Variants in ITPKC observed in about 807,000 individuals in gnomAD.
ITPKC encodes inositol-trisphosphate 3-kinase C.
ITPKC carries 33 observed loss-of-function variants against 67.1 expected under a neutral mutation model. The observed-to-expected ratio is 0.49, with a 90% CI of 0.37 to 0.66. ITPKC has a LOEUF of 0.66. Among genes scored for constraint, ITPKC ranks in the 30% least tolerant of loss-of-function variants. ITPKC has a pLI of 0.00. For missense variants in ITPKC, 820 were observed against 892.1 expected, an observed-to-expected ratio of 0.92 and a Z score of 1.03; for synonymous variants, 341 against 359.8, an observed-to-expected ratio of 0.95 and a Z score of 0.59.
At chr19:40,737,992 GA>G (rs35811447) in intron 6 of ITPKC, among the ~76,000 whole-genome samples, 60,425 of 114,476 alleles carry the variant, frequency 0.53, 14,125 homozygotes, top group South Asian at 0.61. Context: ...TCTCTATTTG[GA>G]AAAAAAAAAA....
intron 5 of ITPKC, 140 bp downstream of exon 5, chr19:40,737,227 G>A (rs2082298772): frequency 1.6e-6 from 1 of 635,548 alleles, no homozygotes; most frequent in Admixed American, 2.4e-5. Context: ...GTCAGCTGGT[G>A]GCTTGGCAAG....
At chr19:40,721,700 T>A (rs2082223454) in intron 1 of ITPKC, among the ~76,000 whole-genome samples, 1 of 151,702 alleles carries the variant, frequency 6.6e-6, no homozygotes, top group Admixed American at 6.6e-5. Flanking sequence ...AGAGAAGATA[T>A]TATGTTTATG....
Position 40,739,696 on chromosome 19 carries a change from G to A in ITPKC, c.*136G>A, listed in dbSNP as rs1185528383. 6 of 723,280 alleles carry A rather than the reference G, an allele frequency of 8.3e-6. No homozygotes were observed. The highest frequency in any genetic ancestry group is 8.2e-5 in the East Asian group (3 of 36,758). 44.8% of individuals were successfully genotyped at this position (723,280 alleles called of 1,614,324 possible). A position where few individuals can be genotyped will look rare whatever the true frequency, so the allele number is the denominator to read the frequency against. On this transcript the variant is annotated 3_prime_UTR_variant, in exon 7 of 7. Transcript: ENST00000263370. ...GGAGAGATTGTGTCATGTGCCACAC[G>A]AGACCAACGTGGAAAAGTCTGAAGG...
chr19:40,718,223 T>G lies in ITPKC; in HGVS notation c.1088T>G (p.Phe363Cys). Residue 363 changes from phenylalanine to cysteine, a missense_variant, in exon 1 of 7, where the codon TTC becomes TGC. By Grantham distance (205) the Phe-to-Cys change is radical (BLOSUM62 -2). Transcript: ENST00000263370. Reference protein sequence around the residue: ...GSGGFSSASSFDESEDDVVAG... With the variant: ...GSGGFSSASSCDESEDDVVAG... ...GGCGGCTTCTCCTCTGCCTCTTCTT[T>G]CGACGAGTCTGAGGATGACGTGGTG... 1 of 1,544,194 alleles carries G rather than the reference T, an allele frequency of 6.5e-7. No homozygotes were observed. The highest frequency in any genetic ancestry group is 8.7e-7 in the Non-Finnish European group (1 of 1,150,822).
At chr19:40,733,763 G>T (rs2082282503) in intron 4 of ITPKC, among the ~76,000 whole-genome samples, 1 of 152,046 alleles carries the variant, frequency 6.6e-6, no homozygotes, top group Non-Finnish European at 1.5e-5. Flanking sequence ...AAATATAATT[G>T]TATGAATAGG....
chr19:40,717,526 C>G lies in ITPKC; in HGVS notation c.391C>G (p.Leu131Val). ...RTHLEWSWSE[L>V]ETTCLWTETG... ...GCATCTAGAATGGAGCTGGTCAGAG[C>G]TGGAGACGACTTGTCTTTGGACGGA... Residue 131 changes from leucine (L) to valine (V), a missense_variant, in exon 1 of 7, where the codon CTG becomes GTG. Coordinates refer to ENST00000263370, the MANE Select transcript of ITPKC (RefSeq NM_025194.3). 6.2e-7 allele frequency: 1 copy of G among 1,614,130 alleles called. No homozygotes were observed. The highest frequency in any genetic ancestry group is 8.5e-7 in the Non-Finnish European group (1 of 1,180,010).
intron 2 of ITPKC, among the ~76,000 whole-genome samples, chr19:40,728,141 G>A (rs1426115938): frequency 1.3e-5 from 2 of 152,144 alleles, no homozygotes; most frequent in African/African-American, 4.8e-5. Context: ...AGGCTGAGAT[G>A]GGAGGATCAT....
At chr19:40,719,520 C>T (rs865908639) in intron 1 of ITPKC, among the ~76,000 whole-genome samples, 22 of 151,614 alleles carry the variant, frequency 1.5e-4, no homozygotes, top group African/African-American at 2.2e-4. Flanking sequence ...GAGACAGTCT[C>T]GCTCTGTTGC....
rs2082200982 is a variant in ITPKC at position 40,718,128 on chromosome 19, CATTACCCCT to C, written c.994_1002del (p.Ile332_Pro334del). 27 of 1,610,886 alleles carry C rather than the reference CATTACCCCT, an allele frequency of 1.7e-5. No individual in the cohort carries two copies. Among genetic ancestry groups the C allele is most frequent in the Non-Finnish European group, 2.3e-5 (27 of 1,179,162 alleles). ...CCCTGTGCCCTGTGCCCCGCCTCAT[CATTACCCCT>C]GAGACCCCTGAGCCTGAGGCCCAGC... On this transcript the variant is annotated inframe_deletion, in exon 1 of 7. Transcript: ENST00000263370.
intron 3 of ITPKC, among the ~76,000 whole-genome samples, chr19:40,732,858 C>T (rs904900754): frequency 1.3e-5 from 2 of 152,190 alleles, no homozygotes; most frequent in African/African-American, 4.8e-5. Flanking sequence ...CATATTTAGA[C>T]CTACATTCCA....
In ITPKC at chr19:40,725,408, C is replaced by T. The variant is rs2144739221; in HGVS notation, c.1224C>T (p.His408=). 4 of 1,613,328 alleles carry T rather than the reference C, an allele frequency of 2.5e-6. No individual in the cohort carries two copies. The highest frequency in any genetic ancestry group is 3.4e-6 in the Non-Finnish European group (4 of 1,179,186). Reference sequence around the variant, plus strand: ...CCTTTGTGGTCTCCTTCCGAAAACACTACCCTTGGGTCCAGCTTTCTGGAC... The same window carrying T: ...CCTTTGTGGTCTCCTTCCGAAAACATTACCCTTGGGTCCAGCTTTCTGGAC... ...YSPFVVSFRK[H]YPWVQLSGHA... Residue 408 remains histidine, a synonymous_variant, in exon 2 of 7, where the codon CAC becomes CAT. Coordinates refer to ENST00000263370, the MANE Select transcript of ITPKC (RefSeq NM_025194.3).
At chr19:40,733,083 A>G (rs2082279007) in intron 3 of ITPKC, 77 bp from the exon 4 acceptor site, 2 of 1,273,762 alleles carry the variant, frequency 1.6e-6, no homozygotes, top group African/African-American at 2.9e-5. Flanking sequence ...CTGTGGCTTT[A>G]TGTCTTAATA....
intron 6 of ITPKC, 146 bp downstream of exon 6, chr19:40,737,915 C>A: frequency 2.0e-6 from 1 of 512,322 alleles, no homozygotes; most frequent in Admixed American, 2.6e-5. Flanking sequence ...CTTTGGGAGG[C>A]TGAGGTGGGA....
chr19:40,724,113 T>C (rs1256768939), intron 1 of ITPKC, among the ~76,000 whole-genome samples: 1 of 152,166 alleles, frequency 6.6e-6, no homozygotes, highest in Non-Finnish European at 1.5e-5. Flanking sequence ...TCCCAGTTAA[T>C]TGGCCAAAGC....
intron 4 of ITPKC, among the ~76,000 whole-genome samples, chr19:40,735,763 G>C (rs1223095896): frequency 6.6e-6 from 1 of 152,176 alleles, no homozygotes; most frequent in Non-Finnish European, 1.5e-5. Context: ...ACCTGGCACA[G>C]TGTGGCAGAT....
At chr19:40,721,405 C>G (rs1420230418) in intron 1 of ITPKC, among the ~76,000 whole-genome samples, 1 of 150,896 alleles carries the variant, frequency 6.6e-6, no homozygotes, top group Non-Finnish European at 1.5e-5. Flanking sequence ...GAGTTTCACT[C>G]TGTTGCCTAG....
In ITPKC at chr19:40,729,422, C is replaced by A; in HGVS notation, c.1469+7C>A. The A allele has an allele frequency of 6.2e-7, 1 of 1,609,624 alleles. No homozygotes were observed. The highest frequency in any genetic ancestry group is 8.5e-7 in the Non-Finnish European group (1 of 1,178,032). ...ACTGCAAGATGGGCAGCAGGTGGGG[C>A]TGGGGCAGCCCTGGGGCAGGGATGG... On this transcript the variant is annotated splice_region_variant and intron_variant, in intron 3 of 6. Coordinates refer to ENST00000263370, the MANE Select transcript of ITPKC (RefSeq NM_025194.3).
At chr19:40,725,863 G>A (rs1007027352) in intron 2 of ITPKC, among the ~76,000 whole-genome samples, 1 of 152,094 alleles carries the variant, frequency 6.6e-6, no homozygotes, top group African/African-American at 2.4e-5. Context: ...TAGCACTTTG[G>A]CAGGCCAAAA....
rs538041604 is a variant in ITPKC at position 40,724,262 on chromosome 19, C to T, written c.1156-1078C>T. On this transcript the variant is annotated intron_variant, in intron 1 of 6. Transcript: ENST00000263370. The stretch of plus-strand genomic sequence containing the variant: ...TAAAGTAGCTGGGCATGGTGGCACA[C>T]GCCTGTAGTCCTGACTACTCAGGAG... Among the ~76,000 whole-genome samples the T allele has an allele frequency of 1.2e-4, 18 of 152,206 alleles. No homozygotes were observed. In the East Asian group the frequency reaches 1.9e-3, roughly 16 times the overall value.
Sources: allele counts gnomAD v4.1 joint callset (sites outside exome capture counted in the v4.1 genomes callset), GRCh38; gene constraint gnomAD v4.1.1; transcripts MANE v1.5; gene names NCBI Gene and HGNC (gene_info 2026-07-23, HGNC 2026-07-21).